The following FGA variants were observed in gnomAD, a reference collection of about 807,000 sequenced individuals.
FGA encodes fibrinogen alpha chain.
A neutral mutation model predicts 20.3 loss-of-function variants in FGA; 20 were observed. The observed-to-expected ratio is 0.99, with a 90% CI of 0.69 to 1.43. FGA has a LOEUF of 1.43. FGA is among the 40% of genes most tolerant of loss of function. The probability of loss-of-function intolerance (pLI) is 0.00; values close to 1 mark genes in which losing one functional copy is unlikely to be tolerated. For missense variants in FGA, 777 were observed against 784.7 expected (o/e 0.99, Z 0.12); for synonymous variants, 306 against 281.6 (o/e 1.09, Z -0.87).
chr4:154,584,716 C>T, downstream of FGA: 1 of 1,614,084 alleles, frequency 6.2e-7, no homozygotes. Context: ...AAGCCATCCT[C>T]CCAAACTGGT....
At chr4:154,584,090 G>A (rs763255387), downstream of FGA, 3 of 1,485,010 alleles carry the variant, frequency 2.0e-6, no homozygotes, top group Admixed American at 1.8e-5. Flanking sequence ...CTCTAGCAAA[G>A]AAGACAGAGT....
At chr4:154,587,234 A>T (rs2110814119) in intron 4 of FGA, among the ~76,000 whole-genome samples, 1 of 152,332 alleles carries the variant, frequency 6.6e-6, no homozygotes, top group South Asian at 2.1e-4. Context: ...ACTCAGGCTG[A>T]GGGCTCAGAG....
intron 3 of FGA, among the ~76,000 whole-genome samples, chr4:154,588,457 C>T (rs1017281843): frequency 2.0e-5 from 3 of 152,146 alleles, no homozygotes; most frequent in Non-Finnish European, 4.4e-5. Context: ...CAGTTTTCAC[C>T]TTTACAAAGC....
rs373695965 is a variant in FGA at position 154,589,421 on chromosome 4, C to G, written c.180+16G>C. Reference sequence around the variant, plus strand: ...CAGAGGGAAGGAATCTCCTGCTTCCCCCGCTGACTGCTTACCCAGTCTTCA... The same window carrying G: ...CAGAGGGAAGGAATCTCCTGCTTCCGCCGCTGACTGCTTACCCAGTCTTCA... On this transcript the variant is annotated intron_variant, in intron 2 of 4. Coordinates refer to ENST00000403106, the MANE Select transcript of FGA (RefSeq NM_021871.4). 4.0e-5 allele frequency: 65 copies of G among 1,613,594 alleles called. 2 individuals are homozygous for G. Among genetic ancestry groups the G allele is most frequent in the South Asian group, 1.4e-4 (13 of 91,076 alleles).
chr4:154,585,225 G>A (rs1730676982), downstream of FGA: 4 of 1,324,850 alleles, frequency 3.0e-6, no homozygotes, highest in South Asian at 6.6e-5. Context: ...CACACACTTT[G>A]AATAGTGAAA....
Position 154,585,928 on chromosome 4 carries a change from A to T in FGA, c.1501T>A (p.Ser501Thr). The change falls in exon 5 of 5, where the codon TCT becomes ACT. Residue 501 changes from serine to threonine, a missense_variant. Coordinates refer to ENST00000403106, the MANE Select transcript of FGA (RefSeq NM_021871.4). ...CPEAMDLGTL[S>T]GIGTLDGFRH... ...AACCCATCCAGAGTACCTATGCCAG[A>T]CAATGTGCCTAAATCCATTGCCTCG... The T allele has an allele frequency of 1.9e-6, 3 of 1,614,154 alleles. No individual in the cohort carries two copies. The highest frequency in any genetic ancestry group is 2.5e-6 in the Non-Finnish European group (3 of 1,179,994).
chr4:154,584,619 C>A (rs1031411881), downstream of FGA: 4 of 1,614,174 alleles, frequency 2.5e-6, no homozygotes, highest in Admixed American at 1.7e-5. Flanking sequence ...CTCCTTCCCC[C>A]TCGTCATTCA....
At chr4:154,589,607 T>A in intron 1 of FGA, 45 bp from the exon 2 acceptor site, 1 of 1,605,708 alleles carries the variant, frequency 6.2e-7, no homozygotes, top group Non-Finnish European at 8.5e-7. Context: ...AACAGCAATG[T>A]TAGCCAGAAG....
At chr4:154,589,292 G>C in intron 2 of FGA, 145 bp downstream of exon 2, 1 of 933,308 alleles carries the variant, frequency 1.1e-6, no homozygotes, top group Non-Finnish European at 1.7e-6. Context: ...GCTCTTGGGA[G>C]TAGGTTCCTT....
Position 154,586,025 on chromosome 4 carries a change from A to T in FGA, c.1404T>A (p.Thr468=), listed in dbSNP as rs754360283. ...RRSCSKTVTK[T]VIGPDGHKEV... ...CTTTGTGACCATCAGGACCAATAAC[A>T]GTCTTAGTAACGGTTTTAGAGCATG... Residue 468 remains threonine (T), a synonymous_variant, in exon 5 of 5, where the codon ACT becomes ACA. Coordinates refer to ENST00000403106, the MANE Select transcript of FGA (RefSeq NM_021871.4). The T allele has an allele frequency of 2.5e-6, 4 of 1,614,004 alleles. No individual in the cohort carries two copies. In the African/African-American group the frequency reaches 5.3e-5, roughly 22 times the overall value.
intron 1 of FGA, 133 bp from the exon 2 acceptor site, chr4:154,589,695 T>G (rs1578799749): frequency 1.0e-6 from 1 of 955,022 alleles, no homozygotes; most frequent in East Asian, 2.5e-5. Flanking sequence ...GACACAGGGC[T>G]TCGGCAAGCT....
rs376267644 is a variant in FGA, at chr4:154,586,590, C to T, written c.839G>A (p.Gly280Glu). The change falls in exon 5 of 5, where the codon GGA becomes GAA. Residue 280 changes from glycine (G) to glutamate (E), a missense_variant. By Grantham distance (98) the Gly-to-Glu change is moderately conservative. Coordinates refer to ENST00000403106, the MANE Select transcript of FGA (RefSeq NM_021871.4). ...TRGGSTSYGT[G>E]SETESPRNPS... ...GTTCCTGGGGCTTTCCGTCTCTGAT[C>T]CGGTTCCATAAGAGGTGGAGCCTCC... 7 of 1,614,100 alleles carry T rather than the reference C, an allele frequency of 4.3e-6. No individual in the cohort carries two copies. In the South Asian group the frequency reaches 5.5e-5, roughly 13 times the overall value.
chr4:154,584,911 A>T (rs1730671297), downstream of FGA: 7 of 1,078,922 alleles, frequency 6.5e-6, no homozygotes, highest in Non-Finnish European at 9.8e-6. Context: ...CAGATTAAAT[A>T]AGGCAAATAC....
In FGA at chr4:154,585,808, C is replaced by G. The variant is rs1578795080; in HGVS notation, c.1621G>C (p.Val541Leu). Residue 541 changes from valine to leucine, a missense_variant, in exon 5 of 5, where the codon GTC becomes CTC. Coordinates refer to ENST00000403106, the MANE Select transcript of FGA (RefSeq NM_021871.4). ...GAGCCCCTAGACTCAGTCTCACTGA[C>G]AAACTCTCCTAACATAGGTGAGAAG... Reference protein sequence around the residue: ...GFFSPMLGEFVSETESRGSES... With the variant: ...GFFSPMLGEFLSETESRGSES... The G allele has an allele frequency of 6.2e-7, 1 of 1,614,180 alleles. No homozygotes were observed.
In FGA at chr4:154,590,668, A is replaced by G; in HGVS notation, c.20T>C (p.Val7Ala). ...GCCCACCACACTTAGGACCAGGCAGACGATCCTCATGGAAAACATCTTTTC... is the reference window on the plus strand; with the variant it reads ...GCCCACCACACTTAGGACCAGGCAGGCGATCCTCATGGAAAACATCTTTTC... Reference protein sequence around the residue: MFSMRIVCLVLSVVGTA... With the variant: MFSMRIACLVLSVVGTA... Residue 7 changes from valine to alanine, a missense_variant, in exon 1 of 5, where the codon GTC (valine) becomes GCC (alanine). Physicochemically the swap from Val to Ala is moderately conservative, Grantham distance 64 (BLOSUM62 0). Transcript: ENST00000403106. 5 of 1,558,382 alleles carry G rather than the reference A, an allele frequency of 3.2e-6. No homozygotes were observed. The highest frequency in any genetic ancestry group is 2.4e-5 in the South Asian group (2 of 84,480).
chr4:154,584,221 TAAG>T (rs759551815), downstream of FGA: 198 of 1,608,804 alleles, frequency 1.2e-4, 4 homozygotes, highest in South Asian at 2.1e-3. Flanking sequence ...CTCAATCTCA[TAAG>T]GACTGTTATT....
intron 2 of FGA, 137 bp downstream of exon 2, chr4:154,589,300 C>T (rs1730813505): frequency 2.9e-6 from 3 of 1,051,220 alleles, no homozygotes; most frequent in African/African-American, 3.2e-5. Flanking sequence ...GAGTAGGTTC[C>T]TTTTCTTTAT....
chr4:154,590,228 G>T (rs1465151992), intron 1 of FGA, among the ~76,000 whole-genome samples: 1 of 152,132 alleles, frequency 6.6e-6, no homozygotes, highest in African/African-American at 2.4e-5. Context: ...TGCTTATTAT[G>T]GACAAGTAGC....
intron 4 of FGA, 60 bp downstream of exon 4, chr4:154,587,452 C>G: frequency 6.8e-7 from 1 of 1,465,780 alleles, no homozygotes; most frequent in East Asian, 2.3e-5. Flanking sequence ...GCATAACTAT[C>G]GCCTTCCTTT....
Sources: allele counts gnomAD v4.1 joint callset (sites outside exome capture counted in the v4.1 genomes callset), GRCh38; gene constraint gnomAD v4.1.1; transcripts MANE v1.5; gene names NCBI Gene and HGNC (gene_info 2026-07-23, HGNC 2026-07-21).